Variants in ARHGAP15 observed in about 807,000 individuals in gnomAD.
ARHGAP15 encodes the protein Rho GTPase activating protein 15.
A neutral mutation model predicts 63.7 loss-of-function variants in ARHGAP15; 51 were observed. The observed-to-expected ratio is 0.80, with a 90% confidence interval of 0.64 to 1.01. The LOEUF is 1.01. Among genes scored for constraint, ARHGAP15 ranks in the 50% least tolerant of loss-of-function variants. The pLI is 0.00. For synonymous variants in ARHGAP15, 191 were observed against 193.8 expected, an observed-to-expected ratio of 0.99 and a Z score of 0.12; for missense variants, 560 against 564.6, an observed-to-expected ratio of 0.99 and a Z score of 0.08.
intron 12 of ARHGAP15, among the ~76,000 whole-genome samples, chr2:143,673,758 G>GTGTA (rs1553520615): frequency 5.4e-4 from 12 of 22,126 alleles, no homozygotes; most frequent in Admixed American, 1.7e-3. Context: ...GTGTGTGTGT[G>GTGTA]TATATATATA....
At chr2:143,440,663 A>G (rs180919484) in intron 8 of ARHGAP15, among the ~76,000 whole-genome samples, 10 of 152,336 alleles carry the variant, frequency 6.6e-5, no homozygotes, top group African/African-American at 2.4e-4. Context: ...CTTTTAAAAA[A>G]TATGATTCTA....
At chr2:143,580,492 T>A (rs1696855090) in intron 11 of ARHGAP15, among the ~76,000 whole-genome samples, 1 of 152,102 alleles carries the variant, frequency 6.6e-6, no homozygotes, top group African/African-American at 2.4e-5. Context: ...TGACAACAGA[T>A]TCTGTATTCT....
rs557064399 is a variant in ARHGAP15 at position 143,474,741 on chromosome 2, C to A, written c.704-12632C>A. ...AAAAGCTAGGCGCATTCACTCCATG[C>A]TCTCTCAAGTTCCCTCCAGATTTAA... On this transcript the variant is annotated intron_variant, in intron 8 of 13. Coordinates refer to ENST00000295095, the MANE Select transcript of ARHGAP15 (RefSeq NM_018460.4). Among the ~76,000 whole-genome samples the A allele has an allele frequency of 1.5e-3, 222 of 152,368 alleles. 2 individuals are homozygous for A. Among genetic ancestry groups the A allele is most frequent in the African/African-American group, 5.2e-3 (218 of 41,578 alleles).
At chr2:143,744,758 T>G (rs1450667296) in intron 13 of ARHGAP15, among the ~76,000 whole-genome samples, 3 of 152,220 alleles carry the variant, frequency 2.0e-5, no homozygotes, top group Non-Finnish European at 4.4e-5. Flanking sequence ...ATAGTTTTCC[T>G]ATGATTCTGT....
chr2:143,154,150 A>C (rs533385743), intron 1 of ARHGAP15, among the ~76,000 whole-genome samples: 5 of 151,480 alleles, frequency 3.3e-5, no homozygotes, highest in Non-Finnish European at 7.4e-5. Context: ...TCTGATCCTC[A>C]TTTTTTTCTT....
chr2:143,763,188 A>G (rs1488111228), intron 13 of ARHGAP15, among the ~76,000 whole-genome samples: 1 of 152,136 alleles, frequency 6.6e-6, no homozygotes, highest in Non-Finnish European at 1.5e-5. Flanking sequence ...AATTAGATGT[A>G]AAAAGAGAGA....
At chr2:143,386,492 A>G (rs1229677620) in intron 6 of ARHGAP15, among the ~76,000 whole-genome samples, 2 of 152,182 alleles carry the variant, frequency 1.3e-5, no homozygotes, top group African/African-American at 4.8e-5. Context: ...ATGCTTGAGA[A>G]AGTAACATGT....
At chr2:143,731,053 T>A (rs1326512079) in intron 13 of ARHGAP15, among the ~76,000 whole-genome samples, 1 of 151,736 alleles carries the variant, frequency 6.6e-6, no homozygotes, top group Non-Finnish European at 1.5e-5. Flanking sequence ...TTGACTTTTA[T>A]CCTCATTTTT....
chr2:143,378,981 T>G (rs1371598914), intron 6 of ARHGAP15, among the ~76,000 whole-genome samples: 2 of 151,890 alleles, frequency 1.3e-5, no homozygotes, highest in Non-Finnish European at 2.9e-5. Context: ...AATTATTTTT[T>G]TATTTTTTAT....
chr2:143,505,334 T>G (rs980440139), intron 9 of ARHGAP15, among the ~76,000 whole-genome samples: 1 of 152,098 alleles, frequency 6.6e-6, no homozygotes, highest in Admixed American at 6.6e-5. Context: ...ACCTGGCAAA[T>G]GAGCAATATA....
chr2:143,740,040 TTC>T (rs746130964), intron 13 of ARHGAP15, among the ~76,000 whole-genome samples: 4 of 152,276 alleles, frequency 2.6e-5, no homozygotes, highest in African/African-American at 4.8e-5. Flanking sequence ...GAGAATTTGG[TTC>T]TCTTTTTTTC....
chr2:143,467,522 A>G lies in ARHGAP15; in HGVS notation c.704-19851A>G, dbSNP rs140008536. 1.1e-4 allele frequency among the ~76,000 whole-genome samples: 17 copies of G among 152,218 alleles called. No homozygotes were observed. In the East Asian group the frequency reaches 3.3e-3, roughly 29 times the overall value. On this transcript the variant is annotated intron_variant, in intron 8 of 13. Coordinates refer to ENST00000295095, the MANE Select transcript of ARHGAP15 (RefSeq NM_018460.4). ...ATATGTGCAATAAATTAATGCATCA[A>G]TATAACCAATAAGCATTTGTTACTG...
intron 11 of ARHGAP15, among the ~76,000 whole-genome samples, chr2:143,565,683 A>G (rs1482728612): frequency 6.6e-6 from 1 of 152,228 alleles, no homozygotes; most frequent in East Asian, 1.9e-4. Flanking sequence ...TCAACAAAAC[A>G]AAGCTTGAGG....
At chr2:143,535,985 A>G (rs1240489414) in intron 10 of ARHGAP15, among the ~76,000 whole-genome samples, 2 of 152,168 alleles carry the variant, frequency 1.3e-5, no homozygotes, top group Admixed American at 6.5e-5. Flanking sequence ...TTTAAAGTAT[A>G]TAGATATTGT....
intron 6 of ARHGAP15, among the ~76,000 whole-genome samples, chr2:143,337,391 T>A (rs188794132): frequency 1.1e-4 from 16 of 152,278 alleles, no homozygotes; most frequent in Admixed American, 9.8e-4. Context: ...CAGCATGATG[T>A]TGTTTTTTTG....
chr2:143,755,979 CTA>C (rs1686563685), intron 13 of ARHGAP15, among the ~76,000 whole-genome samples: 1 of 151,878 alleles, frequency 6.6e-6, no homozygotes, highest in Admixed American at 6.6e-5. Context: ...AAAAAAAACT[CTA>C]AAACTTATTT....
chr2:143,212,380 C>T (rs906131067), intron 3 of ARHGAP15, among the ~76,000 whole-genome samples: 5 of 152,174 alleles, frequency 3.3e-5, no homozygotes. Flanking sequence ...CCAGTATGAA[C>T]AAATTGCTGA....
intron 12 of ARHGAP15, among the ~76,000 whole-genome samples, chr2:143,660,536 C>T (rs1342325284): frequency 6.6e-6 from 1 of 152,102 alleles, no homozygotes; most frequent in Non-Finnish European, 1.5e-5. Flanking sequence ...AGAATGAACC[C>T]TAAAATGAAC....
rs541716055 is a variant in ARHGAP15 at position 143,567,367 on chromosome 2, C to G, written c.1003+10882C>G. Among the ~76,000 whole-genome samples the G allele has an allele frequency of 2.0e-5, 3 of 152,330 alleles. No homozygotes were observed. In the South Asian group the frequency reaches 6.2e-4, roughly 32 times the overall value. On this transcript the variant is annotated intron_variant, in intron 11 of 13. Transcript: ENST00000295095. ...TTGGGTCACCAGCAAAGGATAGGCT[C>G]TGATTGAAAAGCAGGCGTTAGCCCT...
Sources: gnomAD v4.1 joint callset for allele counts (sites outside exome capture counted in the v4.1 genomes callset) on GRCh38, gnomAD v4.1.1 for gene constraint, MANE v1.5 for transcripts, NCBI Gene and HGNC (gene_info 2026-07-23, HGNC 2026-07-21) for gene names.